CHRDL1: variants seen among roughly 807,000 people sequenced by gnomAD.
The protein encoded by CHRDL1 is chordin-like protein 1.
CHRDL1 carries 19 observed loss-of-function variants against 40.9 expected under a neutral mutation model. The observed-to-expected ratio is 0.46, with a 90% CI of 0.32 to 0.68. CHRDL1 has a LOEUF of 0.68. Ranked by LOEUF, CHRDL1 falls within the 30% of genes least tolerant of loss-of-function variation. CHRDL1 has a pLI of 0.03. For synonymous variants in CHRDL1, 136 were observed against 123.4 expected, an observed-to-expected ratio of 1.10 and a Z score of -0.68; for missense variants, 329 against 352.1, an observed-to-expected ratio of 0.93 and a Z score of 0.53.
intron 4 of CHRDL1, among the ~76,000 whole-genome samples, chrX:110,723,930 A>G (rs1466085600): frequency 3.6e-5 from 4 of 112,450 alleles, no homozygotes; most frequent in East Asian, 2.8e-4. Context: ...TAGCTCCTAG[A>G]AAGAGTTTAA....
At chrX:110,787,574 C>A (rs1211226246) in intron 2 of CHRDL1, among the ~76,000 whole-genome samples, 1 of 112,321 alleles carries the variant, frequency 8.9e-6, no homozygotes. Flanking sequence ...AAAACCCATG[C>A]CTTCCTGGCT....
rs192332561 is a variant in CHRDL1, at chrX:110,692,937, T to G, written c.778+1226A>C. ...ACGGATTGTTTTTCACCCATGTTAT[T>G]CAATCATTTGGTTTAATAATTTATT... On this transcript the variant is annotated intron_variant, in intron 8 of 11. Transcript: ENST00000372042. Among the ~76,000 whole-genome samples the G allele has an allele frequency of 2.7e-5, 3 of 112,595 alleles. No individual in the cohort carries two copies. In the East Asian group the frequency reaches 8.4e-4, roughly 31 times the overall value.
intron 2 of CHRDL1, among the ~76,000 whole-genome samples, chrX:110,789,310 A>C (rs1179622029): frequency 1.8e-5 from 2 of 112,057 alleles, no homozygotes; most frequent in African/African-American, 6.5e-5. Flanking sequence ...TGAAGGAATT[A>C]GAAATGGACT....
At chrX:110,686,402 T>C (rs1179540088) in intron 9 of CHRDL1, among the ~76,000 whole-genome samples, 1 of 112,081 alleles carries the variant, frequency 8.9e-6, no homozygotes, top group Non-Finnish European at 1.9e-5. Flanking sequence ...TGAGAGGGTT[T>C]ATGTTATCAT....
intron 1 of CHRDL1, among the ~76,000 whole-genome samples, chrX:110,793,470 T>C (rs935743871): frequency 1.3e-4 from 15 of 111,986 alleles, no homozygotes; most frequent in African/African-American, 4.9e-4. Flanking sequence ...TCAGGACATG[T>C]TCCTACCCAT....
intron 1 of CHRDL1, 56 bp from the exon 2 acceptor site, chrX:110,792,271 G>A: frequency 2.0e-6 from 1 of 501,050 alleles, no homozygotes; most frequent in East Asian, 3.7e-5. Flanking sequence ...AAATGATAGA[G>A]GTCACTGATG....
At chrX:110,679,277 A>C in intron 11 of CHRDL1, 59 bp downstream of exon 11, 1 of 800,124 alleles carries the variant, frequency 1.2e-6, no homozygotes, top group Non-Finnish European at 1.9e-6. Context: ...AGCTGTGGCT[A>C]TGCTAAATTG....
intron 4 of CHRDL1, among the ~76,000 whole-genome samples, chrX:110,740,311 T>G (rs2071337892): frequency 8.9e-6 from 1 of 112,604 alleles, no homozygotes; most frequent in Non-Finnish European, 1.9e-5. Flanking sequence ...AGTATTGCAT[T>G]TCCCTGTCCT....
rs1200963964 is a variant in CHRDL1, at chrX:110,689,562, CTATATATA to C, written c.779-767_779-760del. Among the ~76,000 whole-genome samples the C allele has an allele frequency of 4.7e-4, 12 of 25,556 alleles. 1 individual carries two copies. Among genetic ancestry groups the C allele is most frequent in the East Asian group, 3.3e-3 (5 of 1,496 alleles). The allele number at this position is 25,556 out of a possible 115,157, so 22.2% of individuals were successfully genotyped here. ...TCTATATCTCTATATATCTATATAT[CTATATATA>C]TCTATATATCTATATATCTATATAT... is the stretch of plus-strand genomic sequence containing the variant. On this transcript the variant is annotated intron_variant, in intron 8 of 11. Coordinates refer to ENST00000372042, the MANE Select transcript of CHRDL1 (RefSeq NM_001143981.2).
At chrX:110,732,063 G>A (rs950302606) in intron 4 of CHRDL1, among the ~76,000 whole-genome samples, 1 of 110,716 alleles carries the variant, frequency 9.0e-6, no homozygotes, top group Non-Finnish European at 1.9e-5. Flanking sequence ...GTATCAGAGC[G>A]GAGCGGGCCT....
At chrX:110,741,322 G>C (rs191576375) in intron 4 of CHRDL1, among the ~76,000 whole-genome samples, 90 of 111,612 alleles carry the variant, frequency 8.1e-4, no homozygotes, top group African/African-American at 2.7e-3. Context: ...CTGAACAAAG[G>C]GTATACACAG....
chrX:110,748,676 GAC>G (rs759045648), intron 4 of CHRDL1, among the ~76,000 whole-genome samples: 2 of 112,312 alleles, frequency 1.8e-5, no homozygotes, highest in African/African-American at 3.2e-5. Context: ...TTGAAAAAGA[GAC>G]ACACTACATC....
At chrX:110,772,419 G>A (rs984630581) in intron 2 of CHRDL1, among the ~76,000 whole-genome samples, 23 of 112,860 alleles carry the variant, frequency 2.0e-4, no homozygotes, top group Middle Eastern at 9.2e-3. Context: ...CAGGCAAATC[G>A]CTTGAGGCAA....
chrX:110,790,304 T>C (rs1444761803), intron 2 of CHRDL1, among the ~76,000 whole-genome samples: 1 of 112,176 alleles, frequency 8.9e-6, no homozygotes. Flanking sequence ...ATCTGTTACA[T>C]AATCACTTTG....
At chrX:110,717,293 G>C (rs2070860179) in intron 6 of CHRDL1, among the ~76,000 whole-genome samples, 1 of 112,062 alleles carries the variant, frequency 8.9e-6, no homozygotes, top group Admixed American at 9.5e-5. Flanking sequence ...TAAAGTGTGA[G>C]AAACACTGAC....
At chrX:110,778,394 A>C (rs893683744) in intron 2 of CHRDL1, among the ~76,000 whole-genome samples, 8 of 112,075 alleles carry the variant, frequency 7.1e-5, no homozygotes, top group Non-Finnish European at 1.1e-4. Flanking sequence ...TAAGGAACTT[A>C]AACAAACTTA....
At chrX:110,720,035 C>T in intron 5 of CHRDL1, 107 bp from the exon 6 acceptor site, 1 of 433,767 alleles carries the variant, frequency 2.3e-6, no homozygotes, top group Non-Finnish European at 4.0e-6. Context: ...ATGTCCTTCC[C>T]CCCAGCTCTC....
chrX:110,677,534 C>A (rs1603101688), intron 11 of CHRDL1, among the ~76,000 whole-genome samples: 1 of 111,396 alleles, frequency 9.0e-6, no homozygotes, highest in East Asian at 2.8e-4. Flanking sequence ...TCTTTTAAGT[C>A]CCCTGGAACC....
chrX:110,746,622 C>T, intron 4 of CHRDL1, among the ~76,000 whole-genome samples: 1 of 111,569 alleles, frequency 9.0e-6, no homozygotes, highest in East Asian at 2.8e-4. Context: ...AGTCATTAAA[C>T]CTGTCACTTG....
Sources: gnomAD v4.1 joint callset for allele counts (sites outside exome capture counted in the v4.1 genomes callset) on GRCh38, gnomAD v4.1.1 for gene constraint, MANE v1.5 for transcripts, NCBI Gene and HGNC (gene_info 2026-07-23, HGNC 2026-07-21) for gene names.